Variants in SORCS2 observed in about 807,000 individuals in gnomAD.
SORCS2 encodes VPS10 domain-containing receptor SorCS2.
SORCS2 carries 100 observed loss-of-function variants against 141.6 expected under a neutral mutation model. The observed-to-expected ratio is 0.71, with a 90% CI of 0.60 to 0.83. The LOEUF (loss-of-function observed/expected upper bound fraction) is 0.83, where lower values mean the gene tolerates loss of function less well. Among genes scored for constraint, SORCS2 ranks in the 40% least tolerant of loss-of-function variants. The probability of loss-of-function intolerance (pLI) is 0.00; values close to 1 mark genes in which losing one functional copy is unlikely to be tolerated. For synonymous variants in SORCS2, 789 were observed against 676.9 expected (o/e 1.17, Z -2.57); for missense variants, 1,646 against 1,560.2 (o/e 1.05, Z -0.93).
chr4:7,481,873 C>G (rs548518607), intron 2 of SORCS2, among the ~76,000 whole-genome samples: 3 of 152,068 alleles, frequency 2.0e-5, no homozygotes, highest in Non-Finnish European at 4.4e-5. Context: ...TGCCTCTCCC[C>G]GCTCATCCAC....
intron 3 of SORCS2, among the ~76,000 whole-genome samples, chr4:7,613,165 G>A (rs1057275082): frequency 1.5e-4 from 23 of 152,264 alleles, no homozygotes; most frequent in Admixed American, 5.2e-4. Context: ...TTGGTGAAGG[G>A]CTGAACAAGC....
chr4:7,541,326 T>A (rs561875024), intron 3 of SORCS2, among the ~76,000 whole-genome samples: 1 of 152,216 alleles, frequency 6.6e-6, no homozygotes, highest in Admixed American at 6.5e-5. Context: ...CCTGGGCACA[T>A]GCTGGGGCTG....
chr4:7,284,016 C>T (rs993174344), intron 1 of SORCS2, among the ~76,000 whole-genome samples: 9 of 152,302 alleles, frequency 5.9e-5, no homozygotes, highest in Admixed American at 2.6e-4. Context: ...GGATGTACAA[C>T]GTTACTACAG....
At chr4:7,602,628 T>G (rs187014122) in intron 3 of SORCS2, among the ~76,000 whole-genome samples, 1,851 of 150,042 alleles carry the variant, frequency 0.012, 61 homozygotes, top group African/African-American at 0.044. Context: ...GCTCCTCACT[T>G]CCTTGACGGG....
chr4:7,535,981 G>T (rs1712093579), intron 3 of SORCS2, among the ~76,000 whole-genome samples: 1 of 152,246 alleles, frequency 6.6e-6, no homozygotes, highest in African/African-American at 2.4e-5. Context: ...AACTAACAGG[G>T]CGGCATATGT....
rs1471833109 is a variant in SORCS2 at position 7,737,077 on chromosome 4, C to T, written c.3320C>T (p.Pro1107Leu). The T allele has an allele frequency of 1.7e-5, 26 of 1,551,112 alleles. No homozygotes were observed. Among genetic ancestry groups the T allele is most frequent in the Non-Finnish European group, 8.7e-6 (10 of 1,146,916 alleles). ...TTGCCTCTGTCCAGCAGGAAACGGC[C>T]AGGCAGGACCGTGTACGCCCAAATG... ...FILYKFKRKR[P>L]GRTVYAQMHN... The change falls in exon 26 of 27, where the codon CCA becomes CTA. Residue 1107 changes from proline (P) to leucine (L), a missense_variant. By Grantham distance (98) the Pro-to-Leu change is moderately conservative. Coordinates refer to ENST00000507866, the MANE Select transcript of SORCS2 (RefSeq NM_020777.3).
At chr4:7,395,901 T>C (rs7698559) in intron 1 of SORCS2, among the ~76,000 whole-genome samples, 38,719 of 152,114 alleles carry the variant, frequency 0.25, 5,156 homozygotes, top group African/African-American at 0.28. Context: ...GACAGAGCCC[T>C]GTCTCCAGAA....
At chr4:7,429,913 G>C (rs1368877875) in intron 2 of SORCS2, among the ~76,000 whole-genome samples, 3 of 152,148 alleles carry the variant, frequency 2.0e-5, no homozygotes, top group South Asian at 4.1e-4. Flanking sequence ...GTGACTGTGG[G>C]AGGTGGGCCA....
Position 7,392,553 on chromosome 4 carries a change from G to C in SORCS2, c.481-3735G>C, listed in dbSNP as rs1381348703. On this transcript the variant is annotated intron_variant, in intron 1 of 26. Coordinates refer to ENST00000507866, the MANE Select transcript of SORCS2 (RefSeq NM_020777.3). Reference sequence around the variant, plus strand: ...GGGGTGGGTGAGTCCCCACTGTCATGGAGCTTACTGCCTGGCAGCCTCAGG... The same window carrying C: ...GGGGTGGGTGAGTCCCCACTGTCATCGAGCTTACTGCCTGGCAGCCTCAGG... Among the ~76,000 whole-genome samples, 3 of 152,152 alleles carry C rather than the reference G, an allele frequency of 2.0e-5. No individual in the cohort carries two copies. In the East Asian group the frequency reaches 5.8e-4, roughly 29 times the overall value.
intron 8 of SORCS2, among the ~76,000 whole-genome samples, chr4:7,668,670 T>C (rs1214831227): frequency 2.0e-5 from 3 of 152,134 alleles, no homozygotes; most frequent in Non-Finnish European, 2.9e-5. Flanking sequence ...GGAGTGAGCT[T>C]AATAGACTGA....
At chr4:7,495,571 G>A (rs570250766) in intron 2 of SORCS2, among the ~76,000 whole-genome samples, 118 of 152,154 alleles carry the variant, frequency 7.8e-4, no homozygotes, top group Non-Finnish European at 1.4e-3. Flanking sequence ...CCCCAAGCCC[G>A]GGGCCTCCTT....
chr4:7,556,875 A>G (rs1441146647), intron 3 of SORCS2, among the ~76,000 whole-genome samples: 1 of 143,352 alleles, frequency 7.0e-6, no homozygotes, highest in East Asian at 2.1e-4. Flanking sequence ...CCATCCATCC[A>G]TCCACCATCC....
chr4:7,670,140 C>G (rs543349844), intron 8 of SORCS2, among the ~76,000 whole-genome samples: 1 of 152,300 alleles, frequency 6.6e-6, no homozygotes, highest in South Asian at 2.1e-4. Flanking sequence ...CTGTCACAAA[C>G]AAAGTTGGAA....
intron 8 of SORCS2, among the ~76,000 whole-genome samples, chr4:7,672,222 C>T (rs186410663): frequency 1.6e-3 from 246 of 152,214 alleles, no homozygotes; most frequent in African/African-American, 5.7e-3. Flanking sequence ...GGACTACAGC[C>T]GTGATCCACC....
At chr4:7,291,218 T>C (rs1228055418) in intron 1 of SORCS2, among the ~76,000 whole-genome samples, 2 of 152,058 alleles carry the variant, frequency 1.3e-5, no homozygotes, top group East Asian at 3.9e-4. Flanking sequence ...TGAGGCCACA[T>C]AGCAGGTGAG....
At chr4:7,423,654 G>A (rs1038986801) in intron 2 of SORCS2, among the ~76,000 whole-genome samples, 24 of 152,150 alleles carry the variant, frequency 1.6e-4, no homozygotes, top group Non-Finnish European at 3.5e-4. Flanking sequence ...TCAGTTTCGT[G>A]CCCAGGACCA....
At chr4:7,707,600 C>G in intron 14 of SORCS2, among the ~76,000 whole-genome samples, 1 of 152,350 alleles carries the variant, frequency 6.6e-6, no homozygotes, top group South Asian at 2.1e-4. Flanking sequence ...CTCACCCCTT[C>G]GAGGATCTGA....
chr4:7,456,542 A>C (rs975233542), intron 2 of SORCS2, among the ~76,000 whole-genome samples: 1 of 151,630 alleles, frequency 6.6e-6, no homozygotes, highest in African/African-American at 2.4e-5. Context: ...GTCCCTCCCC[A>C]CCTGAGGACA....
chr4:7,602,974 T>G (rs55820827), intron 3 of SORCS2, among the ~76,000 whole-genome samples: 1 of 152,046 alleles, frequency 6.6e-6, no homozygotes, highest in Non-Finnish European at 1.5e-5. Flanking sequence ...CCGACCAACA[T>G]GGCAAAACCC....
Sources: gnomAD v4.1 joint callset for allele counts (sites outside exome capture counted in the v4.1 genomes callset) on GRCh38, gnomAD v4.1.1 for gene constraint, MANE v1.5 for transcripts, NCBI Gene and HGNC (gene_info 2026-07-23, HGNC 2026-07-21) for gene names.